Variants in BASP1 observed in about 807,000 individuals in gnomAD.
The protein encoded by BASP1 is brain abundant membrane attached signal protein 1.
BASP1 carries 1 observed loss-of-function variant against 2.2 expected under a neutral mutation model. The ratio of observed to expected loss-of-function variants is 0.46; its 90% confidence interval spans 0.16 to 2.17. BASP1 has a LOEUF of 2.17. Ranked by LOEUF, BASP1 falls within the 30% of genes most tolerant of loss-of-function variation. The pLI is 0.27. For missense variants in BASP1, 352 were observed against 327.2 expected (o/e 1.08, Z -0.58); for synonymous variants, 187 against 154.2 (o/e 1.21, Z -1.58).
chr5:17,256,812 G>A (rs1740219560), intron 1 of BASP1, among the ~76,000 whole-genome samples: 1 of 152,154 alleles, frequency 6.6e-6, no homozygotes, highest in African/African-American at 2.4e-5. Context: ...TGCATGCTAA[G>A]GTTGAGGAAG....
At chr5:17,241,123 C>G (rs754123845) in intron 1 of BASP1, among the ~76,000 whole-genome samples, 5 of 149,412 alleles carry the variant, frequency 3.3e-5, no homozygotes, top group East Asian at 2.0e-4. Context: ...TTCTTGAGGC[C>G]GAGTTTTGCT....
At position 17,276,632 on chromosome 5, in the gene BASP1, T is replaced by G; in HGVS notation, c.*732T>G. 1 of 12,608 alleles carries G rather than the reference T, an allele frequency of 7.9e-5. No homozygotes were observed. 0.8% of individuals were successfully genotyped at this position (12,608 alleles called of 1,614,324 possible). ...AGTTCTGTTTATTGGTCAGTGGAAATGAAAAAAAAAAAAAAAAAAAGTCTG... is the reference window on the plus strand; with the variant it reads ...AGTTCTGTTTATTGGTCAGTGGAAAGGAAAAAAAAAAAAAAAAAAAGTCTG... On this transcript the variant is annotated 3_prime_UTR_variant, in exon 2 of 2. Transcript: ENST00000322611.
chr5:17,230,053 A>G (rs1337283491), intron 1 of BASP1, among the ~76,000 whole-genome samples: 2 of 152,174 alleles, frequency 1.3e-5, no homozygotes, highest in Non-Finnish European at 2.9e-5. Flanking sequence ...CACCTGGCCC[A>G]GACTTGAGTT....
In BASP1 at chr5:17,276,374, C is replaced by A; in HGVS notation, c.*474C>A. 6.0e-6 allele frequency: 1 copy of A among 167,676 alleles called. No homozygotes were observed. The allele number at this position is 167,676 out of a possible 1,614,324, so 10.4% of individuals were successfully genotyped here. ...CAGATCTTTATGAGAGCAGTATTTTCTGTGTTTTCTTTTTAATTTACAGCC... is the reference window on the plus strand; with the variant it reads ...CAGATCTTTATGAGAGCAGTATTTTATGTGTTTTCTTTTTAATTTACAGCC... On this transcript the variant is annotated 3_prime_UTR_variant, in exon 2 of 2. Coordinates refer to ENST00000322611, the MANE Select transcript of BASP1 (RefSeq NM_006317.5).
In BASP1 at chr5:17,275,992, C is replaced by G; in HGVS notation, c.*92C>G. The G allele has an allele frequency of 9.0e-7, 1 of 1,115,072 alleles. No homozygotes were observed. Among genetic ancestry groups the G allele is most frequent in the Non-Finnish European group, 1.2e-6 (1 of 820,644 alleles). The allele number at this position is 1,115,072 out of a possible 1,614,324, so 69.1% of individuals were successfully genotyped here. ...CTCTATCTCTCTCTCTATCTCCTCT[C>G]TCTCTCTCCTCTCCTATCTCTCCTC... On this transcript the variant is annotated 3_prime_UTR_variant, in exon 2 of 2. Transcript: ENST00000322611. This position sits in a 1 kb window ranked among gnomAD's most constrained non-coding sequence, Gnocchi z 5.3.
intron 1 of BASP1, among the ~76,000 whole-genome samples, chr5:17,228,522 C>T (rs1211413959): frequency 6.6e-6 from 1 of 152,192 alleles, no homozygotes; most frequent in Non-Finnish European, 1.5e-5. Context: ...TAAAAGCCAA[C>T]AAGCTTCATA....
chr5:17,267,561 C>T (rs1740439157), intron 1 of BASP1, among the ~76,000 whole-genome samples: 1 of 151,664 alleles, frequency 6.6e-6, no homozygotes, highest in African/African-American at 2.4e-5. Context: ...CACCAGGCCC[C>T]AGGCTGGAGT....
Position 17,260,730 on chromosome 5 carries a change from T to C in BASP1, c.-9-14478T>C, listed in dbSNP as rs298588. ...TGTGATGTTTATCTAGTACCCATTG[T>C]GCACGAACAACCACAAAGCAAAATC... On this transcript the variant is annotated intron_variant, in intron 1 of 1. Transcript: ENST00000322611. The surrounding 1 kb of genome is among the most constrained non-coding windows in gnomAD (Gnocchi z 4.2). Among the ~76,000 whole-genome samples the C allele has an allele frequency of 0.016, 2,470 of 152,368 alleles. 61 individuals carry two copies. The highest frequency in any genetic ancestry group is 0.054 in the African/African-American group (2,257 of 41,578).
chr5:17,230,982 G>T (rs1739624360), intron 1 of BASP1, among the ~76,000 whole-genome samples: 2 of 144,916 alleles, frequency 1.4e-5, no homozygotes, highest in Non-Finnish European at 3.0e-5. Flanking sequence ...TACAAATATT[G>T]CCTCATGAAT....
intron 1 of BASP1, among the ~76,000 whole-genome samples, chr5:17,241,167 T>C (rs1021922338): frequency 6.6e-6 from 1 of 151,518 alleles, no homozygotes; most frequent in African/African-American, 2.4e-5. Flanking sequence ...TGATGTGATC[T>C]CGCCTCACTG....
chr5:17,234,814 C>A (rs1332544998), intron 1 of BASP1, among the ~76,000 whole-genome samples: 1 of 152,216 alleles, frequency 6.6e-6, no homozygotes, highest in Non-Finnish European at 1.5e-5. Context: ...CAATTATATT[C>A]TTTTTCTTCA....
chr5:17,225,350 A>G lies in BASP1; in HGVS notation c.-10+7540A>G, dbSNP rs895847785. On this transcript the variant is annotated intron_variant, in intron 1 of 1. Coordinates refer to ENST00000322611, the MANE Select transcript of BASP1 (RefSeq NM_006317.5). ...GACCTCTTCGGCCTTTTAATACACC[A>G]CACATGCCCCAGGGGGACGGTGCAG... Among the ~76,000 whole-genome samples, 3 of 150,658 alleles carry G rather than the reference A, an allele frequency of 2.0e-5. No homozygotes were observed. In the South Asian group the frequency reaches 6.3e-4, roughly 32 times the overall value.
intron 1 of BASP1, among the ~76,000 whole-genome samples, chr5:17,269,247 G>A (rs1051592008): frequency 1.3e-5 from 2 of 152,146 alleles, no homozygotes; most frequent in African/African-American, 4.8e-5. Context: ...TATTTATTAG[G>A]GAACATGATT....
At chr5:17,256,390 T>C (rs963177339) in intron 1 of BASP1, among the ~76,000 whole-genome samples, 2 of 152,198 alleles carry the variant, frequency 1.3e-5, no homozygotes, top group African/African-American at 4.8e-5. Flanking sequence ...GAAAGATCTA[T>C]GGGCAGTCAG....
chr5:17,256,521 C>T (rs529722396), intron 1 of BASP1, among the ~76,000 whole-genome samples: 16 of 152,082 alleles, frequency 1.1e-4, no homozygotes, highest in Non-Finnish European at 2.4e-4. Flanking sequence ...TATTACTGCA[C>T]GTTTGTGCAA....
rs969431035 is a variant in BASP1 at position 17,236,565 on chromosome 5, G to A, written c.-10+18755G>A. Among the ~76,000 whole-genome samples, 4 of 151,976 alleles carry A rather than the reference G, an allele frequency of 2.6e-5. No individual in the cohort carries two copies. The highest frequency in any genetic ancestry group is 2.1e-4 in the South Asian group (1 of 4,806). On this transcript the variant is annotated intron_variant, in intron 1 of 1. Transcript: ENST00000322611. The surrounding 1 kb of genome is among the most constrained non-coding windows in gnomAD (Gnocchi z 4.0). ...CAGGCGTGAGCCACCGCGCTCGGCC[G>A]AGAGCTAGTTTCCTGATTGATAAAA... is the stretch of plus-strand genomic sequence containing the variant.
chr5:17,243,482 G>T (rs143277399), intron 1 of BASP1, among the ~76,000 whole-genome samples: 18 of 152,126 alleles, frequency 1.2e-4, no homozygotes, highest in Non-Finnish European at 2.5e-4. Context: ...TTCAGTTTCC[G>T]GTGTCTAACT....
chr5:17,241,168 C>G (rs928177069), intron 1 of BASP1, among the ~76,000 whole-genome samples: 2 of 150,322 alleles, frequency 1.3e-5, no homozygotes, highest in Non-Finnish European at 2.9e-5. Flanking sequence ...GATGTGATCT[C>G]GCCTCACTGC....
chr5:17,233,117 G>A (rs1008289248), intron 1 of BASP1, among the ~76,000 whole-genome samples: 1 of 152,266 alleles, frequency 6.6e-6, no homozygotes. Flanking sequence ...TCTGGATGTT[G>A]ATCCTTTATT....
Sources: gnomAD v4.1 joint callset for allele counts (sites outside exome capture counted in the v4.1 genomes callset) on GRCh38, gnomAD v4.1.1 for gene constraint, Gnocchi (gnomAD v3.1) non-coding constraint, MANE v1.5 for transcripts, NCBI Gene and HGNC (gene_info 2026-07-23, HGNC 2026-07-21) for gene names.